MOGAT2: variants seen among roughly 807,000 people sequenced by gnomAD.
MOGAT2 encodes monoacylglycerol O-acyltransferase 2.
MOGAT2 carries 27 observed loss-of-function variants against 31.5 expected under a neutral mutation model. That is an observed-to-expected ratio of 0.86 (90% CI 0.63 to 1.18). The LOEUF (loss-of-function observed/expected upper bound fraction) is 1.18. Among genes scored for constraint, MOGAT2 ranks in the 50% most tolerant of loss-of-function variants. MOGAT2 has a pLI of 0.00. For synonymous variants in MOGAT2, 163 were observed against 170.0 expected, an observed-to-expected ratio of 0.96 and a Z score of 0.32; for missense variants, 436 against 433.2, an observed-to-expected ratio of 1.01 and a Z score of -0.06.
At chr11:75,724,090 G>A (rs1309491395) in intron 2 of MOGAT2, among the ~76,000 whole-genome samples, 1 of 152,224 alleles carries the variant, frequency 6.6e-6, no homozygotes, top group East Asian at 1.9e-4. Flanking sequence ...ATGGTCATGT[G>A]ATGAGCCAGC....
Position 75,728,157 on chromosome 11 carries a change from T to A in MOGAT2, c.650+13T>A, listed in dbSNP as rs965225995. 2.5e-6 allele frequency: 4 copies of A among 1,610,922 alleles called. No individual in the cohort carries two copies. The African/African-American group carries it at 5.3e-5, about 22-fold the overall frequency. ...CCCTGACACACGGGTATCAAGCCTC[T>A]GGGAAGAGCACTCTGGGTTCAGTTG... On this transcript the variant is annotated intron_variant, in intron 4 of 5. Coordinates refer to ENST00000198801, the MANE Select transcript of MOGAT2 (RefSeq NM_025098.4).
intron 1 of MOGAT2, 165 bp from the exon 2 acceptor site, chr11:75,719,827 G>T: frequency 1.5e-6 from 1 of 661,270 alleles, no homozygotes; most frequent in Non-Finnish European, 2.6e-6. Context: ...CAGGGACTTT[G>T]TCTCCTCTTT....
At position 75,722,490 on chromosome 11, in the gene MOGAT2, G is replaced by C. The variant is rs150981441; in HGVS notation, c.270+2320G>C. ...TTGAGCTGAATCCCAAGCTCACCGG[G>C]GGGGAAAGGAAAAGCAGCCTGAAAA... On this transcript the variant is annotated intron_variant, in intron 2 of 5. Coordinates refer to ENST00000198801, the MANE Select transcript of MOGAT2 (RefSeq NM_025098.4). Among the ~76,000 whole-genome samples the C allele has an allele frequency of 3.3e-3, 497 of 152,346 alleles. 1 individual carries two copies. Among genetic ancestry groups the C allele is most frequent in the African/African-American group, 0.01 (417 of 41,564 alleles).
chr11:75,719,490 G>A (rs2135730261), intron 1 of MOGAT2: 1 of 156,440 alleles, frequency 6.4e-6, no homozygotes, highest in East Asian at 1.9e-4. Flanking sequence ...TTATGGGGAA[G>A]TCATGAAGGG....
intron 5 of MOGAT2, 174 bp from the exon 6 acceptor site, chr11:75,730,958 C>A: frequency 4.7e-6 from 2 of 421,452 alleles, no homozygotes; most frequent in Non-Finnish European, 8.2e-6. Flanking sequence ...AGAAAGAAAT[C>A]CAGCCGTTGT....
chr11:75,722,975 T>C (rs756247644), intron 2 of MOGAT2, among the ~76,000 whole-genome samples: 1 of 152,234 alleles, frequency 6.6e-6, no homozygotes. Context: ...TTTTTGTTTT[T>C]TTCGAGACGG....
intron 2 of MOGAT2, among the ~76,000 whole-genome samples, chr11:75,723,992 GAACCCTGTAGC>G: frequency 6.6e-6 from 1 of 152,088 alleles, no homozygotes; most frequent in East Asian, 1.9e-4. Flanking sequence ...TACCCCCCTT[GAACCCTGTAGC>G]AACCCTGCCA....
In MOGAT2 at chr11:75,720,016, T is replaced by C. The variant is rs940047809; in HGVS notation, c.116T>C (p.Ile39Thr). 2.5e-6 allele frequency: 4 copies of C among 1,614,112 alleles called. No homozygotes were observed. The highest frequency in any genetic ancestry group is 2.2e-5 in the East Asian group (1 of 44,886). The change falls in exon 2 of 6, where the codon ATA becomes ACA. Residue 39 changes from isoleucine to threonine, a missense_variant. Coordinates refer to ENST00000198801, the MANE Select transcript of MOGAT2 (RefSeq NM_025098.4). ...ALAEICTVGF[I>T]ALLFTRFWLL... ...GCCGAGATCTGCACTGTGGGCTTCA[T>C]AGCCCTCCTGTTTACAAGATTCTGG...
In MOGAT2 at chr11:75,731,235, C is replaced by A. The variant is rs181759309; in HGVS notation, c.954C>A (p.Ala318=). 3.0e-5 allele frequency: 49 copies of A among 1,614,106 alleles called. No homozygotes were observed. Among genetic ancestry groups the A allele is most frequent in the Admixed American group, 6.7e-5 (4 of 60,022 alleles). The change falls in exon 6 of 6, where the codon GCC becomes GCA. Residue 318 remains alanine, a synonymous_variant. Coordinates refer to ENST00000198801, the MANE Select transcript of MOGAT2 (RefSeq NM_025098.4). ...AAGAGCTGTGCAACCTCTTCGAGGC[C>A]CACAAACTTAAGTTCAACATCCCTG... The part of the protein sequence containing the change: ...YIKELCNLFE[A]HKLKFNIPAD...
chr11:75,720,228 C>T (rs1944366257), intron 2 of MOGAT2, 58 bp downstream of exon 2: 2 of 1,557,506 alleles, frequency 1.3e-6, no homozygotes, highest in Non-Finnish European at 1.7e-6. Flanking sequence ...TGGTCAGGGC[C>T]AGAGTGCCGA....
At chr11:75,722,434 G>A (rs1223247689) in intron 2 of MOGAT2, among the ~76,000 whole-genome samples, 1 of 152,238 alleles carries the variant, frequency 6.6e-6, no homozygotes, top group Non-Finnish European at 1.5e-5. Flanking sequence ...GAGAGCTTCA[G>A]AGGTTCTGGC....
intron 1 of MOGAT2, chr11:75,719,270 T>C (rs925054219): frequency 6.6e-6 from 1 of 152,196 alleles, no homozygotes; most frequent in South Asian, 2.1e-4. Flanking sequence ...CACCCCTGAT[T>C]ATGGGGCGGC....
At chr11:75,729,073 G>C in intron 5 of MOGAT2, 84 bp downstream of exon 5, 4 of 1,313,296 alleles carry the variant, frequency 3.0e-6, no homozygotes, top group Admixed American at 1.7e-5. Flanking sequence ...AGATGAGCCA[G>C]ATTTATTCCT....
chr11:75,719,749 CT>C (rs1944359994), intron 1 of MOGAT2: 1 of 498,058 alleles, frequency 2.0e-6, no homozygotes, highest in Non-Finnish European at 3.6e-6. Context: ...AGAAAGTGAG[CT>C]TTGGAGTTAG....
intron 5 of MOGAT2, among the ~76,000 whole-genome samples, chr11:75,729,252 C>T (rs2135737352): frequency 6.6e-6 from 1 of 152,322 alleles, no homozygotes; most frequent in East Asian, 1.9e-4. Flanking sequence ...CTACATGAAG[C>T]AACTCAGCTT....
chr11:75,719,857 G>C, intron 1 of MOGAT2, 135 bp from the exon 2 acceptor site: 1 of 844,580 alleles, frequency 1.2e-6, no homozygotes, highest in Non-Finnish European at 1.9e-6. Flanking sequence ...GGAAGCTGCT[G>C]TCTTCCTCCT....
rs765170966 is a variant in MOGAT2, at chr11:75,720,025, T to C, written c.125T>C (p.Leu42Pro). ...TGCACTGTGGGCTTCATAGCCCTCC[T>C]GTTTACAAGATTCTGGCTCCTCACT... Reference protein sequence around the residue: ...EICTVGFIALLFTRFWLLTVL... With the variant: ...EICTVGFIALPFTRFWLLTVL... Residue 42 changes from leucine to proline, a missense_variant, in exon 2 of 6, where the codon CTG becomes CCG. Physicochemically the swap from Leu to Pro is moderately conservative, Grantham distance 98. Coordinates refer to ENST00000198801, the MANE Select transcript of MOGAT2 (RefSeq NM_025098.4). The C allele has an allele frequency of 1.1e-5, 18 of 1,614,018 alleles. No homozygotes were observed. The highest frequency in any genetic ancestry group is 1.5e-5 in the Non-Finnish European group (18 of 1,180,026).
intron 2 of MOGAT2, among the ~76,000 whole-genome samples, chr11:75,720,986 T>C (rs183892437): frequency 6.6e-6 from 1 of 152,002 alleles, no homozygotes; most frequent in Non-Finnish European, 1.5e-5. Context: ...CAGGCAGTGA[T>C]GGTTTATTGG....
intron 5 of MOGAT2, among the ~76,000 whole-genome samples, chr11:75,729,849 A>G (rs1489755619): frequency 6.7e-6 from 1 of 148,900 alleles, no homozygotes; most frequent in Non-Finnish European, 1.5e-5. Context: ...AGTTCAAGCG[A>G]TTCTCCTGCC....
Sources: gnomAD v4.1 joint callset for allele counts (sites outside exome capture counted in the v4.1 genomes callset) on GRCh38, gnomAD v4.1.1 for gene constraint, MANE v1.5 for transcripts, NCBI Gene and HGNC (gene_info 2026-07-23, HGNC 2026-07-21) for gene names.